The following RAPGEF1 variants were observed in gnomAD, a reference collection of about 807,000 sequenced individuals.
RAPGEF1 encodes CRK SH3-binding GNRP.
RAPGEF1 carries 33 observed loss-of-function variants against 143.3 expected under a neutral mutation model. The observed-to-expected ratio is 0.23, with a 90% CI of 0.17 to 0.31. RAPGEF1 has a LOEUF of 0.31. RAPGEF1 is among the 10% of genes least tolerant of loss of function. The pLI is 1.00. For synonymous variants in RAPGEF1, 629 were observed against 676.5 expected (o/e 0.93, Z 1.09); for missense variants, 1,199 against 1,645.4 (o/e 0.73, Z 4.69).
chr9:131,602,296 T>C, intron 14 of RAPGEF1, 147 bp from the exon 15 acceptor site: 1 of 600,792 alleles, frequency 1.7e-6, no homozygotes, highest in Non-Finnish European at 3.0e-6. Context: ...ATGAATGCCG[T>C]TAATCACAGG....
intron 22 of RAPGEF1, among the ~76,000 whole-genome samples, chr9:131,587,162 G>A (rs1953223947): frequency 2.2e-5 from 2 of 92,424 alleles, no homozygotes; most frequent in Admixed American, 1.1e-4. Context: ...ACACACACCT[G>A]CAGAGCGAGA....
At chr9:131,729,548 G>C (rs1267072995) in intron 1 of RAPGEF1, among the ~76,000 whole-genome samples, 1 of 152,246 alleles carries the variant, frequency 6.6e-6, no homozygotes. Flanking sequence ...GTCCTACAGA[G>C]AGGCTGGAAA....
In RAPGEF1 at chr9:131,577,238, T is replaced by C. The variant is rs915099032; in HGVS notation, c.*2259A>G. ...TTGCCGTCCTCACGCAGGGAGCCCC[T>C]GGGCACTGCTCATGTGCTGCCTGGG... On this transcript the variant is annotated 3_prime_UTR_variant, in exon 27 of 27. Transcript: ENST00000683357. 9.8e-5 allele frequency: 15 copies of C among 152,316 alleles called. No individual in the cohort carries two copies. The South Asian group carries it at 1.0e-3, about 11-fold the overall frequency. 9.4% of individuals were successfully genotyped at this position (152,316 alleles called of 1,614,324 possible). A position where few individuals can be genotyped will look rare whatever the true frequency, so the allele number is the denominator to read the frequency against.
At chr9:131,725,781 C>T (rs28779478) in intron 1 of RAPGEF1, among the ~76,000 whole-genome samples, 3 of 137,886 alleles carry the variant, frequency 2.2e-5, no homozygotes, top group Non-Finnish European at 4.7e-5. Flanking sequence ...TTTTTTGAGA[C>T]GGAGTCTTGC....
At chr9:131,586,841 A>AAC (rs71374111) in intron 22 of RAPGEF1, among the ~76,000 whole-genome samples, 1,692 of 25,552 alleles carry the variant, frequency 0.066, 300 homozygotes, top group Middle Eastern at 0.14. Flanking sequence ...CTCCGTCTCA[A>AAC]ACACACACAC....
chr9:131,696,597 ATTGAAACAGGTGCTCAGCG>A, intron 1 of RAPGEF1, among the ~76,000 whole-genome samples: 1 of 152,370 alleles, frequency 6.6e-6, no homozygotes, highest in South Asian at 2.1e-4. Flanking sequence ...GAGCAACTCT[ATTGAAACAGGTGCTCAGCG>A]AACTGTAGCT....
chr9:131,600,181 T>C (rs879697974), intron 15 of RAPGEF1, among the ~76,000 whole-genome samples: 1 of 152,060 alleles, frequency 6.6e-6, no homozygotes, highest in Non-Finnish European at 1.5e-5. Context: ...CCCTGCCCAG[T>C]CTCGAGAAAA....
chr9:131,612,277 G>C (rs886492263), intron 12 of RAPGEF1, among the ~76,000 whole-genome samples: 2 of 152,178 alleles, frequency 1.3e-5, no homozygotes, highest in Admixed American at 6.5e-5. Flanking sequence ...CAGTTTGCCT[G>C]TCATGGATGG....
At chr9:131,590,023 G>A (rs3818580) in intron 18 of RAPGEF1, 45 bp from the exon 19 acceptor site, 1 of 1,561,046 alleles carries the variant, frequency 6.4e-7, no homozygotes, top group Non-Finnish European at 8.8e-7. Context: ...GGCTGAGGGT[G>A]GTGGAGTGGA....
Position 131,628,742 on chromosome 9 carries a change from T to C in RAPGEF1, c.894-70A>G. ...AAAGCTCTTCAGCGTGATATTGGGG[T>C]ACAGGATGTGGGGTTCTTTCATTAC... On this transcript the variant is annotated intron_variant, in intron 7 of 26. Coordinates refer to ENST00000683357, the MANE Select transcript of RAPGEF1 (RefSeq NM_001377935.1). The surrounding 1 kb of genome is among the most constrained non-coding windows in gnomAD (Gnocchi z 5.7). The C allele has an allele frequency of 6.6e-7, 1 of 1,518,366 alleles. No individual in the cohort carries two copies. The highest frequency in any genetic ancestry group is 2.3e-5 in the East Asian group (1 of 43,694). The allele number at this position is 1,518,366 out of a possible 1,614,324, so 94.1% of individuals were successfully genotyped here.
At chr9:131,658,914 C>T (rs1405446102) in intron 1 of RAPGEF1, among the ~76,000 whole-genome samples, 1 of 152,226 alleles carries the variant, frequency 6.6e-6, no homozygotes, top group Non-Finnish European at 1.5e-5. Flanking sequence ...GGGTTCCCAA[C>T]TTAGCAGTGG....
At chr9:131,684,556 G>A (rs548023824) in intron 1 of RAPGEF1, among the ~76,000 whole-genome samples, 23 of 152,290 alleles carry the variant, frequency 1.5e-4, no homozygotes, top group South Asian at 8.3e-4. Context: ...ATGGAACACC[G>A]CAGATACAAC....
intron 22 of RAPGEF1, among the ~76,000 whole-genome samples, chr9:131,586,284 A>ACACACACC (rs1554801611): frequency 1.6e-5 from 2 of 125,852 alleles, no homozygotes; most frequent in African/African-American, 5.7e-5. Context: ...ACACACACAC[A>ACACACACC]CCTGCAGAGC....
chr9:131,588,594 C>T (rs746552518), intron 20 of RAPGEF1, among the ~76,000 whole-genome samples: 28 of 152,228 alleles, frequency 1.8e-4, no homozygotes, highest in Non-Finnish European at 3.7e-4. Context: ...CTGCCCGCTT[C>T]CTGGTCACAA....
intron 14 of RAPGEF1, among the ~76,000 whole-genome samples, chr9:131,603,212 C>A (rs138658382): frequency 1.2e-3 from 187 of 152,360 alleles, no homozygotes; most frequent in Non-Finnish European, 2.2e-3. Context: ...CGGGTGGGGG[C>A]CCGCCCTGGG....
intron 1 of RAPGEF1, among the ~76,000 whole-genome samples, chr9:131,690,572 C>A (rs1276938019): frequency 6.6e-6 from 1 of 151,796 alleles, no homozygotes; most frequent in East Asian, 1.9e-4. Context: ...CCAAGGAGGG[C>A]AGATCGCATA....
intron 1 of RAPGEF1, among the ~76,000 whole-genome samples, chr9:131,679,753 G>T (rs1247802735): frequency 6.6e-6 from 1 of 152,220 alleles, no homozygotes; most frequent in Non-Finnish European, 1.5e-5. Flanking sequence ...GTGGGCAAAA[G>T]AACTGATTTC....
In RAPGEF1 at chr9:131,628,152, A is replaced by G; in HGVS notation, c.1018-56T>C. The G allele has an allele frequency of 7.0e-7, 1 of 1,434,122 alleles. No individual in the cohort carries two copies. The highest frequency in any genetic ancestry group is 9.2e-7 in the Non-Finnish European group (1 of 1,085,074). 88.8% of individuals were successfully genotyped at this position (1,434,122 alleles called of 1,614,324 possible). The stretch of plus-strand genomic sequence containing the variant: ...TCACTTCTGAGAAACGGTGGCACAG[A>G]CCAGGGGTGAGGCAACCGGTGCATT... On this transcript the variant is annotated intron_variant, in intron 8 of 26. Coordinates refer to ENST00000683357, the MANE Select transcript of RAPGEF1 (RefSeq NM_001377935.1). The surrounding 1 kb of genome is among the most constrained non-coding windows in gnomAD (Gnocchi z 5.7).
chr9:131,625,566 A>G (rs1283993392), intron 10 of RAPGEF1, among the ~76,000 whole-genome samples: 2 of 152,210 alleles, frequency 1.3e-5, no homozygotes, highest in African/African-American at 2.4e-5. Flanking sequence ...ACCTCGCTCT[A>G]CACAGATGTT....
Sources: allele counts gnomAD v4.1 joint callset (sites outside exome capture counted in the v4.1 genomes callset), GRCh38; gene constraint gnomAD v4.1.1; non-coding constraint Gnocchi (gnomAD v3.1); transcripts MANE v1.5; gene names NCBI Gene and HGNC (gene_info 2026-07-23, HGNC 2026-07-21).